The following BAG3 variants were observed in gnomAD, a reference collection of about 807,000 sequenced individuals.
The protein encoded by BAG3 is BAG family molecular chaperone regulator 3.
BAG3 carries 14 observed loss-of-function variants against 40.5 expected under a neutral mutation model. The ratio of observed to expected loss-of-function variants is 0.35; its 90% CI spans 0.23 to 0.54. The LOEUF (loss-of-function observed/expected upper bound fraction) is 0.54. Ranked by LOEUF, BAG3 falls within the 20% of genes least tolerant of loss-of-function variation. The pLI is 0.91. For synonymous variants in BAG3, 302 were observed against 307.8 expected (o/e 0.98, Z 0.20); for missense variants, 788 against 758.6 (o/e 1.04, Z -0.46).
chr10:119,675,824 C>CCCCCCTT (rs1847217594), intron 3 of BAG3, among the ~76,000 whole-genome samples: 1 of 45,494 alleles, frequency 2.2e-5, no homozygotes, highest in African/African-American at 8.4e-5. Flanking sequence ...CTGCTTCCTT[C>CCCCCCTT]CCCCTTCCCC....
At chr10:119,665,144 A>ATTTTTT (rs1161102936) in intron 1 of BAG3, among the ~76,000 whole-genome samples, 1 of 88,790 alleles carries the variant, frequency 1.1e-5, no homozygotes, top group African/African-American at 4.5e-5. Context: ...ATATATATAT[A>ATTTTTT]TTTTTTTTTT....
At chr10:119,666,683 A>G (rs1847073634) in intron 1 of BAG3, among the ~76,000 whole-genome samples, 1 of 70,300 alleles carries the variant, frequency 1.4e-5, no homozygotes, top group Non-Finnish European at 3.3e-5. Flanking sequence ...GCATCTCCTC[A>G]AGGCCTGTCT....
intron 1 of BAG3, among the ~76,000 whole-genome samples, chr10:119,667,386 GA>G (rs907594886): frequency 2.6e-5 from 4 of 152,180 alleles, no homozygotes; most frequent in Non-Finnish European, 1.5e-5. Context: ...CATCCCTCTT[GA>G]TATGCCCTTA....
intron 3 of BAG3, among the ~76,000 whole-genome samples, chr10:119,673,441 G>C (rs1027513321): frequency 6.6e-6 from 1 of 152,228 alleles, no homozygotes; most frequent in Non-Finnish European, 1.5e-5. Context: ...GCCTGGGGAA[G>C]GTTGTAGGCA....
intron 1 of BAG3, among the ~76,000 whole-genome samples, chr10:119,652,390 C>G (rs1846855501): frequency 6.6e-6 from 1 of 152,246 alleles, no homozygotes; most frequent in Admixed American, 6.5e-5. Flanking sequence ...ATCTTGGCTA[C>G]TGTCCCATGT....
intron 1 of BAG3, among the ~76,000 whole-genome samples, chr10:119,664,442 G>A (rs1371833920): frequency 6.6e-6 from 1 of 152,152 alleles, no homozygotes; most frequent in East Asian, 1.9e-4. Flanking sequence ...TGAGCCCCTG[G>A]GCTCTTCTTT....
At chr10:119,668,866 G>T (rs927523139) in intron 1 of BAG3, among the ~76,000 whole-genome samples, 1 of 152,242 alleles carries the variant, frequency 6.6e-6, no homozygotes, top group African/African-American at 2.4e-5. Flanking sequence ...CGGCAGTGGG[G>T]TCGTGCAGTC....
rs1491344342 is a variant in BAG3 at position 119,665,140 on chromosome 10, A to ATTT, written c.181-4710_181-4709insTTT. Reference sequence around the variant, plus strand: ...TGTGTGTGTGTGTATATATATATATATATATTTTTTTTTTTAGTTGGAGTC... The same window carrying ATTT: ...TGTGTGTGTGTGTATATATATATATATTTTATATTTTTTTTTTTAGTTGGAGTC... On this transcript the variant is annotated intron_variant, in intron 1 of 3. Coordinates refer to ENST00000369085, the MANE Select transcript of BAG3 (RefSeq NM_004281.4). 7.7e-4 allele frequency among the ~76,000 whole-genome samples: 65 copies of ATTT among 84,376 alleles called. 4 individuals carry two copies. The highest frequency in any genetic ancestry group is 7.9e-3 in the Middle Eastern group (1 of 126). 55.4% of individuals were successfully genotyped at this position (84,376 alleles called of 152,430 possible). A position where few individuals can be genotyped will look rare whatever the true frequency, so the allele number is the denominator to read the frequency against.
intron 1 of BAG3, among the ~76,000 whole-genome samples, chr10:119,657,820 T>C (rs1376553635): frequency 2.0e-5 from 3 of 152,224 alleles, no homozygotes; most frequent in Non-Finnish European, 4.4e-5. Flanking sequence ...CCTACTTCCA[T>C]AGCTGTGCAG....
intron 3 of BAG3, among the ~76,000 whole-genome samples, chr10:119,673,903 T>C (rs1847185064): frequency 6.6e-6 from 1 of 152,228 alleles, no homozygotes; most frequent in Non-Finnish European, 1.5e-5. Flanking sequence ...GAATAGCAAA[T>C]ATTTTCCTAA....
chr10:119,677,390 TATGCAGTAACTTGGG>T lies in BAG3; in HGVS notation c.*109_*123del. 6 of 1,408,950 alleles carry T rather than the reference TATGCAGTAACTTGGG, an allele frequency of 4.3e-6. No individual in the cohort carries two copies. The highest frequency in any genetic ancestry group is 4.9e-6 in the Non-Finnish European group (5 of 1,012,924). 87.3% of individuals were successfully genotyped at this position (1,408,950 alleles called of 1,614,324 possible). On this transcript the variant is annotated 3_prime_UTR_variant, in exon 4 of 4. Coordinates refer to ENST00000369085, the MANE Select transcript of BAG3 (RefSeq NM_004281.4). Reference sequence around the variant, plus strand: ...CAGTTGGTTTTTATTAGCTGCTTGGTATGCAGTAACTTGGGTGGAGGCAAAACACTAATAAAAGGG... The same window carrying T: ...CAGTTGGTTTTTATTAGCTGCTTGGTTGGAGGCAAAACACTAATAAAAGGG...
In BAG3 at chr10:119,654,937, A is replaced by G. The variant is rs186750643; in HGVS notation, c.180+3082A>G. On this transcript the variant is annotated intron_variant, in intron 1 of 3. Transcript: ENST00000369085. ...CTCTCCAGGGAGTCCTGTTAAGAACACAGATTGTGGCTGTGTCTCATCGCC... is the reference window on the plus strand; with the variant it reads ...CTCTCCAGGGAGTCCTGTTAAGAACGCAGATTGTGGCTGTGTCTCATCGCC... Among the ~76,000 whole-genome samples, 349 of 152,352 alleles carry G rather than the reference A, an allele frequency of 2.3e-3. 1 individual carries two copies. The highest frequency in any genetic ancestry group is 8.2e-3 in the African/African-American group (339 of 41,584).
At chr10:119,653,739 C>T (rs1187432032) in intron 1 of BAG3, among the ~76,000 whole-genome samples, 1 of 152,148 alleles carries the variant, frequency 6.6e-6, no homozygotes, top group Non-Finnish European at 1.5e-5. Flanking sequence ...TTCTGAAACC[C>T]AGAGAGTTCA....
intron 1 of BAG3, among the ~76,000 whole-genome samples, chr10:119,654,037 C>T (rs1846878608): frequency 6.6e-6 from 1 of 152,144 alleles, no homozygotes; most frequent in Admixed American, 6.6e-5. Context: ...GTCAGCATGG[C>T]ACCAAAACTT....
At chr10:119,661,691 T>C (rs578225254) in intron 1 of BAG3, among the ~76,000 whole-genome samples, 1 of 152,200 alleles carries the variant, frequency 6.6e-6, no homozygotes, top group East Asian at 1.9e-4. Flanking sequence ...CTGTGACTTA[T>C]GATAGTTTAT....
At chr10:119,663,633 A>G (rs1040811321) in intron 1 of BAG3, among the ~76,000 whole-genome samples, 3 of 152,092 alleles carry the variant, frequency 2.0e-5, no homozygotes, top group Admixed American at 6.5e-5. Flanking sequence ...CATCTGGGAC[A>G]TGAAACTTTG....
At chr10:119,656,025 C>T (rs769434338) in intron 1 of BAG3, among the ~76,000 whole-genome samples, 6 of 152,152 alleles carry the variant, frequency 3.9e-5, no homozygotes, top group Non-Finnish European at 7.3e-5. Flanking sequence ...ACACAGTCAC[C>T]TTATATAAAC....
intron 1 of BAG3, among the ~76,000 whole-genome samples, chr10:119,656,960 C>T (rs1489571767): frequency 6.6e-6 from 1 of 152,110 alleles, no homozygotes; most frequent in Non-Finnish European, 1.5e-5. Flanking sequence ...TGTGGCTTTA[C>T]CCCCATCTGA....
chr10:119,658,711 A>G (rs1225243208), intron 1 of BAG3, among the ~76,000 whole-genome samples: 1 of 152,164 alleles, frequency 6.6e-6, no homozygotes, highest in Admixed American at 6.5e-5. Context: ...CCATCAGACA[A>G]ACCTGGGTTC....
Sources: gnomAD v4.1 joint callset for allele counts (sites outside exome capture counted in the v4.1 genomes callset) on GRCh38, gnomAD v4.1.1 for gene constraint, MANE v1.5 for transcripts, NCBI Gene and HGNC (gene_info 2026-07-23, HGNC 2026-07-21) for gene names.